Variants in ATXN3 observed in about 807,000 individuals in gnomAD.
The protein encoded by ATXN3 is ataxin 3.
A neutral mutation model predicts 58.2 loss-of-function variants in ATXN3; 28 were observed. The ratio of observed to expected loss-of-function variants is 0.48; its 90% CI spans 0.36 to 0.66. The LOEUF is 0.66. Ranked by LOEUF, ATXN3 falls within the 30% of genes least tolerant of loss-of-function variation. ATXN3 has a pLI of 0.00. For synonymous variants in ATXN3, 113 were observed against 138.5 expected (o/e 0.82, Z 1.29); for missense variants, 321 against 422.1 (o/e 0.76, Z 2.10).
upstream of ATXN3, among the ~76,000 whole-genome samples, chr14:92,053,492 C>CTTTT (rs540092730): frequency 7.4e-6 from 1 of 134,790 alleles, no homozygotes; most frequent in African/African-American, 2.7e-5. Context: ...TTCTTTCTTT[C>CTTTT]TTTTTTTTTT....
chr14:92,053,383 G>A (rs970353612), upstream of ATXN3, among the ~76,000 whole-genome samples: 1 of 151,976 alleles, frequency 6.6e-6, no homozygotes. Context: ...GTCATGTTAA[G>A]TTCTGGCCAA....
intron 6 of ATXN3, among the ~76,000 whole-genome samples, chr14:92,087,535 C>T (rs1020476939): frequency 6.6e-6 from 1 of 152,120 alleles, no homozygotes; most frequent in African/African-American, 2.4e-5. Flanking sequence ...TATTTTTTAG[C>T]CACGTCCAGC....
chr14:92,068,607 T>C (rs1020401124), intron 10 of ATXN3, among the ~76,000 whole-genome samples: 1 of 151,928 alleles, frequency 6.6e-6, no homozygotes, highest in Admixed American at 6.6e-5. Context: ...TTTTTCTTTT[T>C]GAGACAGAGT....
At chr14:92,103,997 T>C (rs1315916947) in intron 1 of ATXN3, among the ~76,000 whole-genome samples, 1 of 152,216 alleles carries the variant, frequency 6.6e-6, no homozygotes, top group African/African-American at 2.4e-5. Context: ...CATATGGTTA[T>C]AGGTGCGTAC....
At chr14:92,084,668 C>T (rs1309596323) in intron 6 of ATXN3, among the ~76,000 whole-genome samples, 1 of 151,894 alleles carries the variant, frequency 6.6e-6, no homozygotes, top group Non-Finnish European at 1.5e-5. Context: ...CCTCTGCCTC[C>T]CAGGAGGTTC....
intron 2 of ATXN3, among the ~76,000 whole-genome samples, chr14:92,045,927 AGCATTG>A (rs1234326632): frequency 4.6e-5 from 7 of 152,234 alleles, no homozygotes; most frequent in Non-Finnish European, 1.0e-4. Flanking sequence ...TATCAGCATA[AGCATTG>A]CCCTGAGCGA....
rs139549069 is a variant in ATXN3, at chr14:92,078,655, G to A, written c.872+2310C>T. On this transcript the variant is annotated intron_variant, in intron 9 of 10. Coordinates refer to ENST00000644486, the MANE Select transcript of ATXN3 (RefSeq NM_004993.6). ...TGGGATTACAGGTGTGAGCCACCGC[G>A]CCTGGCCTTAGATTTATTTTTTACA... Among the ~76,000 whole-genome samples the A allele has an allele frequency of 2.9e-3, 443 of 152,132 alleles. 1 individual carries two copies. Among genetic ancestry groups the A allele is most frequent in the African/African-American group, 9.4e-3 (392 of 41,508 alleles).
chr14:92,053,915 G>A (rs1357047887), downstream of ATXN3, among the ~76,000 whole-genome samples: 1 of 151,930 alleles, frequency 6.6e-6, no homozygotes, highest in East Asian at 1.9e-4. Flanking sequence ...TCAGAGGCCT[G>A]TAAACCAGAG....
chr14:92,049,453 G>C (rs1274808641), intron 1 of ATXN3: 2 of 152,686 alleles, frequency 1.3e-5, no homozygotes, highest in Non-Finnish European at 2.9e-5. Context: ...TCCGTGACCA[G>C]CGCCGGAATT....
At chr14:92,051,888 C>T (rs879662698), upstream of ATXN3, among the ~76,000 whole-genome samples, 21 of 149,624 alleles carry the variant, frequency 1.4e-4, no homozygotes, top group Admixed American at 5.3e-4. Flanking sequence ...CCACCATGCC[C>T]GGCTAATTTT....
At chr14:92,045,371 G>A (rs1444940451) in intron 2 of ATXN3, among the ~76,000 whole-genome samples, 2 of 152,146 alleles carry the variant, frequency 1.3e-5, no homozygotes, top group East Asian at 1.9e-4. Flanking sequence ...AGGCCAAACC[G>A]AGAAATTATT....
rs71301949 is a variant in ATXN3 at position 92,069,083 on chromosome 14, C to CTTTTTTTT, written c.991+1844_991+1851dup. 8.3e-4 allele frequency among the ~76,000 whole-genome samples: 118 copies of CTTTTTTTT among 142,506 alleles called. 2 individuals carry two copies. The highest frequency in any genetic ancestry group is 1.9e-3 in the East Asian group (9 of 4,702). The allele number at this position is 142,506 out of a possible 152,430, so 93.5% of individuals were successfully genotyped here. On this transcript the variant is annotated intron_variant, in intron 10 of 10. Transcript: ENST00000644486. ...CAATGATGAATAAAGATGCTATAAT[C>CTTTTTTTT]TTTTTTTTTTTTGAGAAGGAGTTTT...
intron 9 of ATXN3, chr14:92,080,621 C>T (rs568327663): frequency 8.5e-5 from 28 of 329,814 alleles, no homozygotes; most frequent in South Asian, 5.9e-4. Context: ...GCAACCTCCA[C>T]GTCCCGGGTT....
At position 92,093,436 on chromosome 14, in the gene ATXN3, A is replaced by T. The variant is rs1255152419; in HGVS notation, c.321-118T>A. 21 of 652,620 alleles carry T rather than the reference A, an allele frequency of 3.2e-5. No individual in the cohort carries two copies. The East Asian group carries it at 6.0e-4, about 19-fold the overall frequency. 40.4% of individuals were successfully genotyped at this position (652,620 alleles called of 1,614,324 possible). A position where few individuals can be genotyped will look rare whatever the true frequency, so the allele number is the denominator to read the frequency against. On this transcript the variant is annotated intron_variant, in intron 4 of 10. Coordinates refer to ENST00000644486, the MANE Select transcript of ATXN3 (RefSeq NM_004993.6). Reference sequence around the variant, plus strand: ...AAGATTATATTTATAGTTAAGTGTCACTGATGTTTTTAAAAGATCACACAA... The same window carrying T: ...AAGATTATATTTATAGTTAAGTGTCTCTGATGTTTTTAAAAGATCACACAA...
At chr14:92,083,447 A>G (rs771252931) in intron 6 of ATXN3, 189 bp from the exon 7 acceptor site, 6 of 692,236 alleles carry the variant, frequency 8.7e-6, no homozygotes, top group African/African-American at 1.8e-5. Flanking sequence ...AGTTACTTAA[A>G]GTCTCTGAGC....
intron 6 of ATXN3, among the ~76,000 whole-genome samples, chr14:92,084,840 A>G (rs2062088817): frequency 6.6e-6 from 1 of 152,110 alleles, no homozygotes; most frequent in African/African-American, 2.4e-5. Context: ...TCGGCCTCCC[A>G]AAGTGCTGGG....
At chr14:92,097,043 T>C (rs1341101914) in intron 1 of ATXN3, 2 of 460,430 alleles carry the variant, frequency 4.3e-6, no homozygotes, top group East Asian at 9.7e-5. Context: ...GAGTAGCTGG[T>C]ACTACAGGCA....
Position 92,081,150 on chromosome 14 carries a change from C to T in ATXN3, c.776-89G>A. The T allele has an allele frequency of 5.6e-6, 5 of 895,894 alleles. No individual in the cohort carries two copies. In the South Asian group the frequency reaches 7.3e-5, roughly 13 times the overall value. 55.5% of individuals were successfully genotyped at this position (895,894 alleles called of 1,614,324 possible). On this transcript the variant is annotated intron_variant, in intron 8 of 10. Coordinates refer to ENST00000644486, the MANE Select transcript of ATXN3 (RefSeq NM_004993.6). ...GTTTGTTTATACTCATTTGAGTAAGCCTTTAAAACGTTTTCTCTTTAAGAA... is the reference window on the plus strand; with the variant it reads ...GTTTGTTTATACTCATTTGAGTAAGTCTTTAAAACGTTTTCTCTTTAAGAA...
chr14:92,080,765 A>G (rs1440020484), intron 9 of ATXN3, 200 bp downstream of exon 9: 1 of 559,136 alleles, frequency 1.8e-6, no homozygotes, highest in East Asian at 4.0e-5. Context: ...CGAACTCCTG[A>G]CCTCAGGCAA....
Sources: allele counts gnomAD v4.1 joint callset (sites outside exome capture counted in the v4.1 genomes callset), GRCh38; gene constraint gnomAD v4.1.1; transcripts MANE v1.5; gene names NCBI Gene and HGNC (gene_info 2026-07-23, HGNC 2026-07-21).